The following MOCS1 variants were observed in gnomAD, a reference collection of about 807,000 sequenced individuals.
The protein encoded by MOCS1 is molybdenum cofactor synthesis 1.
MOCS1 carries 39 observed loss-of-function variants against 57.6 expected under a neutral mutation model. The ratio of observed to expected loss-of-function variants is 0.68; its 90% CI spans 0.52 to 0.88. The LOEUF is 0.88. Among genes scored for constraint, MOCS1 ranks in the 40% least tolerant of loss-of-function variants. The probability of loss-of-function intolerance (pLI) is 0.00; values close to 1 mark genes in which losing one functional copy is unlikely to be tolerated. For missense variants in MOCS1, 795 were observed against 831.1 expected, an observed-to-expected ratio of 0.96 and a Z score of 0.53; for synonymous variants, 334 against 335.7, an observed-to-expected ratio of 1.00 and a Z score of 0.05.
chr6:39,923,244 T>C (rs756057894), intron 3 of MOCS1, among the ~76,000 whole-genome samples: 2 of 152,134 alleles, frequency 1.3e-5, no homozygotes, highest in Non-Finnish European at 2.9e-5. Context: ...CCAGGGCCAA[T>C]AACCACAGAA....
chr6:39,913,274 C>CCAA (rs1767448147), intron 6 of MOCS1, 43 bp downstream of exon 6: 1 of 1,558,780 alleles, frequency 6.4e-7, no homozygotes, highest in African/African-American at 1.4e-5. Flanking sequence ...ACCTGCAGGC[C>CCAA]CAACCCCTTC....
intron 7 of MOCS1, among the ~76,000 whole-genome samples, chr6:39,912,666 T>C (rs571229061): frequency 6.6e-5 from 10 of 152,212 alleles, no homozygotes; most frequent in Non-Finnish European, 1.3e-4. Flanking sequence ...TGCCACTTCC[T>C]GGAGTGTGTC....
intron 4 of MOCS1, 116 bp downstream of exon 4, chr6:39,915,952 C>T: frequency 1.7e-6 from 2 of 1,200,316 alleles, no homozygotes; most frequent in Non-Finnish European, 2.4e-6. Flanking sequence ...CTTTGACTTA[C>T]TGATAGCCCA....
chr6:39,910,625 T>C (rs1009732274), intron 8 of MOCS1, among the ~76,000 whole-genome samples: 1 of 152,230 alleles, frequency 6.6e-6, no homozygotes, highest in African/African-American at 2.4e-5. Flanking sequence ...CACAAGGCAC[T>C]GTGGCCACAG....
intron 1 of MOCS1, among the ~76,000 whole-genome samples, chr6:39,931,171 C>T (rs1361153655): frequency 1.4e-5 from 2 of 148,030 alleles, no homozygotes; most frequent in African/African-American, 4.9e-5. Flanking sequence ...CCAGACACTA[C>T]TGGTCATCTC....
At chr6:39,915,629 G>T (rs1767613104) in intron 4 of MOCS1, among the ~76,000 whole-genome samples, 1 of 152,030 alleles carries the variant, frequency 6.6e-6, no homozygotes, top group Admixed American at 6.6e-5. Context: ...GTGGGCACAG[G>T]GATAACCATG....
chr6:39,913,306 T>C lies in MOCS1; in HGVS notation c.757+11A>G. On this transcript the variant is annotated intron_variant, in intron 6 of 10. Coordinates refer to ENST00000340692, the MANE Select transcript of MOCS1 (RefSeq NM_001358530.2). ...CTTCTTCCCTCCCTCAACCCATCCC[T>C]GGTCACTGACCATCAAAGGGCATAT... 6.2e-7 allele frequency: 1 copy of C among 1,611,428 alleles called. No individual in the cohort carries two copies. The highest frequency in any genetic ancestry group is 8.5e-7 in the Non-Finnish European group (1 of 1,177,536).
Position 39,916,132 on chromosome 6 carries a change from A to C in MOCS1, c.519T>G (p.Ser173Arg), listed in dbSNP as rs61732596. Residue 173 changes from serine to arginine, a missense_variant, in exon 4 of 11, where the codon AGT (serine) becomes AGG (arginine). Ser to Arg is a moderately radical substitution (Grantham distance 110). Transcript: ENST00000340692. ...GGGTGTCCAGGCTGATGTTGATGGC[A>C]CTGAGACCAGCCTTCTGAAGCTGGG... ...LLPQLQKAGL[S>R]AINISLDTLV... The C allele has an allele frequency of 3.3e-4, 529 of 1,613,928 alleles. No individual in the cohort carries two copies. In the African/African-American group the frequency reaches 4.2e-3, roughly 13 times the overall value.
rs1766832565 is a variant in MOCS1, at chr6:39,905,572, A to C, written c.*785T>G. On this transcript the variant is annotated 3_prime_UTR_variant, in exon 11 of 11. Transcript: ENST00000340692. Reference sequence around the variant, plus strand: ...TTTGTGCGCTGTGAGGGTGAAGGCAATCTATCATCAACTTTTCTTTCCCTG... The same window carrying C: ...TTTGTGCGCTGTGAGGGTGAAGGCACTCTATCATCAACTTTTCTTTCCCTG... The C allele has an allele frequency of 4.2e-6, 2 of 471,054 alleles. No individual in the cohort carries two copies. Among genetic ancestry groups the C allele is most frequent in the Non-Finnish European group, 8.8e-6 (2 of 227,064 alleles). The allele number at this position is 471,054 out of a possible 1,614,324, so 29.2% of individuals were successfully genotyped here.
rs775703168 is a variant in MOCS1 at position 39,904,205 on chromosome 6, T to C, written c.*2152A>G. On this transcript the variant is annotated 3_prime_UTR_variant, in exon 11 of 11. Transcript: ENST00000340692. ...ATTTGATCTTCAGAAAAGCAGAATT[T>C]GGTTCAACTGTTGACAGAGGACACA... 16 of 456,626 alleles carry C rather than the reference T, an allele frequency of 3.5e-5. No homozygotes were observed. The highest frequency in any genetic ancestry group is 7.0e-5 in the Non-Finnish European group (16 of 226,980). 28.3% of individuals were successfully genotyped at this position (456,626 alleles called of 1,614,324 possible).
chr6:39,911,109 A>G (rs1326760536), intron 8 of MOCS1, among the ~76,000 whole-genome samples: 3 of 152,088 alleles, frequency 2.0e-5, no homozygotes, highest in Admixed American at 1.3e-4. Context: ...CCTTAATCTT[A>G]TATGTTATAA....
At chr6:39,912,630 G>A (rs989282818) in intron 7 of MOCS1, among the ~76,000 whole-genome samples, 6 of 152,202 alleles carry the variant, frequency 3.9e-5, no homozygotes, top group South Asian at 2.1e-4. Flanking sequence ...AAAAGTCTGC[G>A]TGGAAGCGGG....
At chr6:39,910,706 A>G (rs573954537) in intron 8 of MOCS1, among the ~76,000 whole-genome samples, 1 of 152,252 alleles carries the variant, frequency 6.6e-6, no homozygotes, top group East Asian at 1.9e-4. Flanking sequence ...AATCTAGGAT[A>G]GGTCTAACTG....
chr6:39,927,619 C>G (rs755847783), intron 1 of MOCS1, 164 bp from the exon 2 acceptor site: 1 of 1,598,974 alleles, frequency 6.3e-7, no homozygotes, highest in African/African-American at 1.3e-5. Context: ...GATTGTCCCT[C>G]TCGTTGAGAA....
At chr6:39,933,263 C>A (rs761421592) in intron 1 of MOCS1, among the ~76,000 whole-genome samples, 5 of 152,140 alleles carry the variant, frequency 3.3e-5, no homozygotes, top group Non-Finnish European at 7.3e-5. Flanking sequence ...GAAGAAAAGT[C>A]CCTTTTCTTG....
intron 1 of MOCS1, 126 bp downstream of exon 1, chr6:39,934,166 TGAG>T: frequency 7.9e-7 from 1 of 1,263,930 alleles, no homozygotes; most frequent in Non-Finnish European, 1.1e-6. Context: ...ATCGCTCCAC[TGAG>T]GAGTGCCAAC....
chr6:39,927,394 G>A lies in MOCS1; in HGVS notation c.185C>T (p.Thr62Ile). ...GCTGTGCTGCCGGCCGAAGCTGTCT[G>A]TGAGGAAGGCGGAGAAGGGGGCCGC... is the stretch of plus-strand genomic sequence containing the variant. ...EHAAPFSAFL[T>I]DSFGRQHSYL... is the part of the protein sequence containing the mutation. Residue 62 changes from threonine to isoleucine, a missense_variant, in exon 2 of 11, where the codon ACA (threonine) becomes ATA (isoleucine). Physicochemically the swap from Thr to Ile is moderately conservative, Grantham distance 89. Coordinates refer to ENST00000340692, the MANE Select transcript of MOCS1 (RefSeq NM_001358530.2). 1 of 1,612,914 alleles carries A rather than the reference G, an allele frequency of 6.2e-7. No homozygotes were observed.
rs2149404187 is a variant in MOCS1 at position 39,913,436 on chromosome 6, G to A, written c.646-8C>T. ...CATCACCACACAGTTCACCTGGCCG[G>A]GGAACAATGGGACCATGAGGGCTGT... is the stretch of plus-strand genomic sequence containing the variant. On this transcript the variant is annotated splice_region_variant and splice_polypyrimidine_tract_variant and intron_variant, in intron 5 of 10. Transcript: ENST00000340692. 6.2e-7 allele frequency: 1 copy of A among 1,611,438 alleles called. No individual in the cohort carries two copies.
intron 5 of MOCS1, 155 bp downstream of exon 5, chr6:39,913,619 G>A: frequency 9.8e-7 from 1 of 1,021,730 alleles, no homozygotes; most frequent in Non-Finnish European, 1.5e-6. Flanking sequence ...GGTCGGCAGG[G>A]CTGGACCAGC....
Sources: gnomAD v4.1 joint callset for allele counts (sites outside exome capture counted in the v4.1 genomes callset) on GRCh38, gnomAD v4.1.1 for gene constraint, MANE v1.5 for transcripts, NCBI Gene and HGNC (gene_info 2026-07-23, HGNC 2026-07-21) for gene names.